The following FBXO33 variants were observed in gnomAD, a reference collection of about 807,000 sequenced individuals.
FBXO33 encodes the protein F-box protein 33, also known as F-box only protein 33.
A neutral mutation model predicts 46.3 loss-of-function variants in FBXO33; 22 were observed. The ratio of observed to expected loss-of-function variants is 0.48; its 90% CI spans 0.34 to 0.68. The LOEUF is 0.68. Among genes scored for constraint, FBXO33 ranks in the 30% least tolerant of loss-of-function variants. The pLI is 0.01. For missense variants in FBXO33, 692 were observed against 708.8 expected, an observed-to-expected ratio of 0.98 and a Z score of 0.27; for synonymous variants, 337 against 291.3, an observed-to-expected ratio of 1.16 and a Z score of -1.60.
At position 39,399,666 on chromosome 14, in the gene FBXO33, A is replaced by G. The variant is rs1172454901; in HGVS notation, c.1518T>C (p.Asp506=). Residue 506 remains aspartate (D), a synonymous_variant, in exon 4 of 4, where the codon GAT becomes GAC. Transcript: ENST00000298097. ...CAATAAGGTTATGCACTGGATCTAC[A>G]TCCTGGTCGGCCAGTTCACCTTGGT... ...DFDQGELADQ[D]VDPVHNLIEQ... is the part of the protein sequence containing the mutation. 2.5e-6 allele frequency: 4 copies of G among 1,614,130 alleles called. No individual in the cohort carries two copies. Among genetic ancestry groups the G allele is most frequent in the African/African-American group, 2.7e-5 (2 of 75,064 alleles).
intron 1 of FBXO33, among the ~76,000 whole-genome samples, chr14:39,428,542 CT>C (rs1036071928): frequency 1.3e-5 from 2 of 152,126 alleles, no homozygotes; most frequent in African/African-American, 4.8e-5. Flanking sequence ...AGTACTGCCC[CT>C]AACAGCATTC....
Position 39,432,024 on chromosome 14 carries a change from C to T in FBXO33, c.139G>A (p.Gly47Arg). 8 of 1,404,202 alleles carry T rather than the reference C, an allele frequency of 5.7e-6. No homozygotes were observed. Among genetic ancestry groups the T allele is most frequent in the Non-Finnish European group, 7.3e-6 (8 of 1,089,826 alleles). The allele number at this position is 1,404,202 out of a possible 1,614,324, so 87.0% of individuals were successfully genotyped here. Residue 47 changes from glycine to arginine, a missense_variant, in exon 1 of 4, where the codon GGG (glycine) becomes AGG (arginine). Gly to Arg is a moderately radical substitution (Grantham distance 125). This residue lies in a region of FBXO33 where 412 missense variants were observed against 370.8 expected (regional missense o/e 1.11). Transcript: ENST00000298097. ...CGCCGGCTGCCGGCTCCCGGCCGCC[C>T]CCGCAGTACCCGGAGCAGCCCCCGC... The part of the protein sequence containing the change: ...RLRGLLRVLR[G>R]RPGAGSRRRG...
In FBXO33 at chr14:39,432,042, G is replaced by C; in HGVS notation, c.121C>G (p.Leu41Val). The C allele has an allele frequency of 7.7e-7, 1 of 1,293,522 alleles. No individual in the cohort carries two copies. The allele number at this position is 1,293,522 out of a possible 1,614,324, so 80.1% of individuals were successfully genotyped here. ...RLQQLRRLRG[L>V]LRVLRGRPGA... The stretch of plus-strand genomic sequence containing the variant: ...GGCCGCCCCCGCAGTACCCGGAGCA[G>C]CCCCCGCAGCCGTCGCAGCTGCTGC... The change falls in exon 1 of 4, where the codon CTG becomes GTG. Residue 41 changes from leucine to valine, a missense_variant. Coordinates refer to ENST00000298097, the MANE Select transcript of FBXO33 (RefSeq NM_203301.4).
intron 1 of FBXO33, among the ~76,000 whole-genome samples, chr14:39,429,640 T>C (rs569378091): frequency 2.0e-5 from 3 of 152,324 alleles, no homozygotes; most frequent in Admixed American, 2.0e-4. Flanking sequence ...GCAATTACAC[T>C]ACATTTTGAG....
At chr14:39,405,499 G>GA in intron 1 of FBXO33, among the ~76,000 whole-genome samples, 1 of 151,932 alleles carries the variant, frequency 6.6e-6, no homozygotes, top group South Asian at 2.1e-4. Context: ...ATTTTTTGGG[G>GA]GGGTGTGGAG....
In FBXO33 at chr14:39,425,971, AG is replaced by A. The variant is rs543665074; in HGVS notation, c.599+5592del. Among the ~76,000 whole-genome samples, 58 of 152,322 alleles carry A rather than the reference AG, an allele frequency of 3.8e-4. No individual in the cohort carries two copies. The East Asian group carries it at 0.011, about 28-fold the overall frequency. ...GTATTAGCTTTGGGACCCATTAACC[AG>A]AAGTTATTTCCCAGAACTTACAATT... On this transcript the variant is annotated intron_variant, in intron 1 of 3. Transcript: ENST00000298097.
chr14:39,411,848 C>G lies in FBXO33; in HGVS notation c.600-9337G>C, dbSNP rs187398664. Among the ~76,000 whole-genome samples the G allele has an allele frequency of 1.2e-4, 18 of 152,278 alleles. No individual in the cohort carries two copies. The East Asian group carries it at 3.1e-3, about 26-fold the overall frequency. On this transcript the variant is annotated intron_variant, in intron 1 of 3. Transcript: ENST00000298097. ...TGACTTCCCTTTTAATATTTATTGA[C>G]TGTTTAATTTCCATATATTTGTAAA...
At chr14:39,428,599 C>T (rs2075527811) in intron 1 of FBXO33, among the ~76,000 whole-genome samples, 1 of 152,150 alleles carries the variant, frequency 6.6e-6, no homozygotes, top group South Asian at 2.1e-4. Flanking sequence ...CCCATAGAAG[C>T]ATAAACCAGA....
chr14:39,429,103 T>C (rs1181562527), intron 1 of FBXO33, among the ~76,000 whole-genome samples: 2 of 152,170 alleles, frequency 1.3e-5, no homozygotes, highest in Non-Finnish European at 2.9e-5. Context: ...CAAAACAAAA[T>C]GCCAATTGTC....
chr14:39,400,705 C>G (rs1010940995), intron 3 of FBXO33, among the ~76,000 whole-genome samples: 6 of 152,100 alleles, frequency 3.9e-5, no homozygotes, highest in African/African-American at 7.2e-5. Flanking sequence ...CAAATGAGAA[C>G]AGGTCACATT....
chr14:39,427,442 C>G (rs1425265517), intron 1 of FBXO33, among the ~76,000 whole-genome samples: 1 of 152,102 alleles, frequency 6.6e-6, no homozygotes, highest in African/African-American at 2.4e-5. Flanking sequence ...TATATTTATT[C>G]TGTAAATGGG....
At chr14:39,429,359 T>C (rs982992838) in intron 1 of FBXO33, among the ~76,000 whole-genome samples, 2 of 152,156 alleles carry the variant, frequency 1.3e-5, no homozygotes, top group African/African-American at 4.8e-5. Context: ...AAATTTAACT[T>C]GGAAATGTAA....
rs200270240 is a variant in FBXO33 at position 39,403,690 on chromosome 14, T to TA, written c.600-1180dup. On this transcript the variant is annotated intron_variant, in intron 1 of 3. Transcript: ENST00000298097. ...ATGAAGAGAAAACTCCTAAGTCCAA[T>TA]AATAACGAACTAGATATTTCATTTA... 2.9e-4 allele frequency among the ~76,000 whole-genome samples: 44 copies of TA among 152,212 alleles called. No homozygotes were observed. In the East Asian group the frequency reaches 7.1e-3, roughly 25 times the overall value.
chr14:39,403,365 C>CG (rs1567072711), intron 1 of FBXO33, among the ~76,000 whole-genome samples: 1 of 152,058 alleles, frequency 6.6e-6, no homozygotes, highest in Non-Finnish European at 1.5e-5. Context: ...GAGACCAAGG[C>CG]GGGGGGAATC....
rs1373525226 is a variant in FBXO33, at chr14:39,431,236, A to G, written c.599+328T>C. On this transcript the variant is annotated intron_variant, in intron 1 of 3. Transcript: ENST00000298097. Reference sequence around the variant, plus strand: ...GCTCACCCACAGGCCTCACCCTCCCAGTCTTAACGCTCCCATATATAAAAT... The same window carrying G: ...GCTCACCCACAGGCCTCACCCTCCCGGTCTTAACGCTCCCATATATAAAAT... Among the ~76,000 whole-genome samples the G allele has an allele frequency of 3.9e-5, 6 of 152,132 alleles. No homozygotes were observed. The East Asian group carries it at 9.6e-4, about 24-fold the overall frequency.
Position 39,408,031 on chromosome 14 carries a change from C to T in FBXO33, c.600-5520G>A, listed in dbSNP as rs568760336. Among the ~76,000 whole-genome samples the T allele has an allele frequency of 5.9e-5, 9 of 152,306 alleles. No homozygotes were observed. In the East Asian group the frequency reaches 1.7e-3, roughly 29 times the overall value. ...TCTAGGCTCACTGCAGCCTCAACTT[C>T]CCAGGCTCAGGCGATTCTCTCACCT... On this transcript the variant is annotated intron_variant, in intron 1 of 3. Coordinates refer to ENST00000298097, the MANE Select transcript of FBXO33 (RefSeq NM_203301.4).
At chr14:39,430,066 C>G (rs934708421) in intron 1 of FBXO33, among the ~76,000 whole-genome samples, 1 of 152,196 alleles carries the variant, frequency 6.6e-6, no homozygotes. Context: ...CTAATTGGTA[C>G]TCACTCATTG....
At chr14:39,425,309 T>C (rs1196733227) in intron 1 of FBXO33, among the ~76,000 whole-genome samples, 1 of 152,130 alleles carries the variant, frequency 6.6e-6, no homozygotes, top group African/African-American at 2.4e-5. Context: ...TTCTTTTCAT[T>C]CCAGAGGATC....
rs1421411401 is a variant in FBXO33, at chr14:39,432,037, G to A, written c.126C>T (p.Leu42=). Reference sequence around the variant, plus strand: ...CTCCCGGCCGCCCCCGCAGTACCCGGAGCAGCCCCCGCAGCCGTCGCAGCT... The same window carrying A: ...CTCCCGGCCGCCCCCGCAGTACCCGAAGCAGCCCCCGCAGCCGTCGCAGCT... ...LQQLRRLRGL[L]RVLRGRPGAG... is the part of the protein sequence containing the mutation. The change falls in exon 1 of 4, where the codon CTC becomes CTT. Residue 42 remains leucine, a synonymous_variant. Coordinates refer to ENST00000298097, the MANE Select transcript of FBXO33 (RefSeq NM_203301.4). 2 of 1,331,068 alleles carry A rather than the reference G, an allele frequency of 1.5e-6. No individual in the cohort carries two copies. The highest frequency in any genetic ancestry group is 1.9e-6 in the Non-Finnish European group (2 of 1,046,370). 82.5% of individuals were successfully genotyped at this position (1,331,068 alleles called of 1,614,324 possible).
Sources: allele counts gnomAD v4.1 joint callset (sites outside exome capture counted in the v4.1 genomes callset), GRCh38; gene constraint gnomAD v4.1.1; regional missense constraint gnomAD v4.1.1; transcripts MANE v1.5; gene names NCBI Gene and HGNC (gene_info 2026-07-23, HGNC 2026-07-21).